The following DEF6 variants were observed in gnomAD, a reference collection of about 807,000 sequenced individuals.
The protein encoded by DEF6 is DEF6 guanine nucleotide exchange factor, also known as differentially expressed in FDCP 6 homolog.
A neutral mutation model predicts 80.5 loss-of-function variants in DEF6; 32 were observed. The observed-to-expected ratio is 0.40, with a 90% CI of 0.30 to 0.53. The LOEUF (loss-of-function observed/expected upper bound fraction) is 0.53. Ranked by LOEUF, DEF6 falls within the 20% of genes least tolerant of loss-of-function variation. The probability of loss-of-function intolerance (pLI) is 0.57; values close to 1 mark genes in which losing one functional copy is unlikely to be tolerated. For synonymous variants in DEF6, 300 were observed against 337.9 expected, an observed-to-expected ratio of 0.89 and a Z score of 1.23; for missense variants, 575 against 818.7, an observed-to-expected ratio of 0.70 and a Z score of 3.63.
Position 35,312,169 on chromosome 6 carries a change from C to A in DEF6, c.424-133C>A. 1.4e-6 allele frequency: 1 copy of A among 719,510 alleles called. No individual in the cohort carries two copies. The highest frequency in any genetic ancestry group is 2.3e-6 in the Non-Finnish European group (1 of 438,198). The allele number at this position is 719,510 out of a possible 1,614,324, so 44.6% of individuals were successfully genotyped here. ...TTTCCCTGGCTCCATAACATTCGGT[C>A]CTCTGGCCCCCTCAACGCTCTGTCC... On this transcript the variant is annotated intron_variant, in intron 3 of 10. Coordinates refer to ENST00000316637, the MANE Select transcript of DEF6 (RefSeq NM_022047.4). The surrounding 1 kb of genome is among the most constrained non-coding windows in gnomAD (Gnocchi z 6.6).
chr6:35,309,931 T>G, intron 2 of DEF6, 121 bp downstream of exon 2: 1 of 1,219,948 alleles, frequency 8.2e-7, no homozygotes, highest in Non-Finnish European at 1.2e-6. Flanking sequence ...TTCTGCCTGC[T>G]CTGTCCGTGA....
intron 9 of DEF6, among the ~76,000 whole-genome samples, chr6:35,320,486 T>C (rs1448694723): frequency 6.6e-6 from 1 of 152,192 alleles, no homozygotes; most frequent in East Asian, 1.9e-4. Context: ...ACAGAGGTTC[T>C]TGGATTAGGT....
At chr6:35,317,336 G>C (rs572892666) in intron 5 of DEF6, among the ~76,000 whole-genome samples, 2 of 152,262 alleles carry the variant, frequency 1.3e-5, no homozygotes, top group Non-Finnish European at 2.9e-5. Context: ...TGGCAAAGCT[G>C]TATAGGTGGA....
intron 1 of DEF6, among the ~76,000 whole-genome samples, chr6:35,299,369 A>AGATAT (rs1318608746): frequency 6.6e-6 from 1 of 152,128 alleles, no homozygotes; most frequent in Non-Finnish European, 1.5e-5. Context: ...TTGCCAGACA[A>AGATAT]TACCAGCCCC....
Position 35,310,617 on chromosome 6 carries a change from G to A in DEF6, c.396G>A (p.Lys132=). The A allele has an allele frequency of 6.2e-7, 1 of 1,614,204 alleles. No individual in the cohort carries two copies. The highest frequency in any genetic ancestry group is 8.5e-7 in the Non-Finnish European group (1 of 1,180,048). The stretch of plus-strand genomic sequence containing the variant: ...TCTTCAACTTCCTGTCTGAGGACAA[G>A]TACCCTCTGATCATGGTTCCTGATG... ...WCLFNFLSED[K]YPLIMVPDEV... Residue 132 remains lysine, a synonymous_variant, in exon 3 of 11, where the codon AAG becomes AAA. Coordinates refer to ENST00000316637, the MANE Select transcript of DEF6 (RefSeq NM_022047.4).
Position 35,312,266 on chromosome 6 carries a change from T to G in DEF6, c.424-36T>G. ...TGGTGTTGGTGCTGGCAACACCACC[T>G]GCTGCAGCTACCAGGCCTTCCTTCT... On this transcript the variant is annotated intron_variant, in intron 3 of 10. Transcript: ENST00000316637. This position sits in a 1 kb window ranked among gnomAD's most constrained non-coding sequence, Gnocchi z 6.6. 2 of 1,591,122 alleles carry G rather than the reference T, an allele frequency of 1.3e-6. No individual in the cohort carries two copies. The highest frequency in any genetic ancestry group is 1.7e-6 in the Non-Finnish European group (2 of 1,161,768).
Position 35,318,424 on chromosome 6 carries a change from C to T in DEF6, c.1168C>T (p.Arg390Cys). ...GGAGGAACGGCGCCGCAGCCAGCAC[C>T]GCGAGCTGCAGCAGGCGCTCGAGGG... ...EEEERRRSQH[R>C]ELQQALEGQL... The change falls in exon 7 of 11, where the codon CGC becomes TGC. Residue 390 changes from arginine to cysteine, a missense_variant. Physicochemically the swap from Arg to Cys is radical, Grantham distance 180. Transcript: ENST00000316637. This position sits in a 1 kb window ranked among gnomAD's most constrained non-coding sequence, Gnocchi z 5.1. 14 of 1,508,364 alleles carry T rather than the reference C, an allele frequency of 9.3e-6. No homozygotes were observed. Among genetic ancestry groups the T allele is most frequent in the Non-Finnish European group, 1.1e-5 (13 of 1,135,228 alleles). The allele number at this position is 1,508,364 out of a possible 1,614,324, so 93.4% of individuals were successfully genotyped here.
At chr6:35,320,998 C>G in intron 10 of DEF6, 24 bp downstream of exon 10, 1 of 1,609,848 alleles carries the variant, frequency 6.2e-7, no homozygotes. Context: ...GACTCTGGAG[C>G]TTTCCCTGGA....
At position 35,318,498 on chromosome 6, in the gene DEF6, C is replaced by A; in HGVS notation, c.1215+27C>A. 1 of 1,372,046 alleles carries A rather than the reference C, an allele frequency of 7.3e-7. No individual in the cohort carries two copies. The highest frequency in any genetic ancestry group is 9.3e-7 in the Non-Finnish European group (1 of 1,071,172). The allele number at this position is 1,372,046 out of a possible 1,614,324, so 85.0% of individuals were successfully genotyped here. ...TGGGGTTAGCTCCCGGCGCCGGGGA[C>A]GGGACCGGTGGGCTGGGAGGCTGGC... On this transcript the variant is annotated intron_variant, in intron 7 of 10. Coordinates refer to ENST00000316637, the MANE Select transcript of DEF6 (RefSeq NM_022047.4). The surrounding 1 kb of genome is among the most constrained non-coding windows in gnomAD (Gnocchi z 5.1).
At chr6:35,307,135 C>T (rs1044395829) in intron 1 of DEF6, among the ~76,000 whole-genome samples, 4 of 152,338 alleles carry the variant, frequency 2.6e-5, no homozygotes, top group South Asian at 2.1e-4. Flanking sequence ...CAGTGGCTCA[C>T]GCCCTGTAAT....
At chr6:35,304,504 G>T (rs1292871563) in intron 1 of DEF6, among the ~76,000 whole-genome samples, 1 of 152,238 alleles carries the variant, frequency 6.6e-6, no homozygotes, top group Non-Finnish European at 1.5e-5. Context: ...TGCCTGACCT[G>T]CTGGAGGAAC....
Position 35,312,197 on chromosome 6 carries a change from T to A in DEF6, c.424-105T>A. The A allele has an allele frequency of 1.1e-6, 1 of 931,074 alleles. No individual in the cohort carries two copies. The highest frequency in any genetic ancestry group is 1.6e-6 in the Non-Finnish European group (1 of 607,724). The allele number at this position is 931,074 out of a possible 1,614,324, so 57.7% of individuals were successfully genotyped here. On this transcript the variant is annotated intron_variant, in intron 3 of 10. Coordinates refer to ENST00000316637, the MANE Select transcript of DEF6 (RefSeq NM_022047.4). The surrounding 1 kb of genome is among the most constrained non-coding windows in gnomAD (Gnocchi z 6.6). ...CTGGCCCCCTCAACGCTCTGTCCCC[T>A]GTTTCCCTCTGCCCAGGCTCTGGGA...
intron 1 of DEF6, 31 bp from the exon 2 acceptor site, chr6:35,309,639 A>G (rs1398883700): frequency 1.2e-6 from 2 of 1,606,606 alleles, no homozygotes; most frequent in Admixed American, 3.4e-5. Context: ...TGGGGTGCAG[A>G]AAGACACACT....
At chr6:35,303,062 C>T (rs1036443555) in intron 1 of DEF6, among the ~76,000 whole-genome samples, 1 of 152,214 alleles carries the variant, frequency 6.6e-6, no homozygotes, top group Non-Finnish European at 1.5e-5. Context: ...TCTCCACCCC[C>T]AACCCCTACC....
At position 35,321,533 on chromosome 6, in the gene DEF6, C is replaced by A. The variant is rs1582236105; in HGVS notation, c.*123C>A. On this transcript the variant is annotated 3_prime_UTR_variant, in exon 11 of 11. Transcript: ENST00000316637. Reference sequence around the variant, plus strand: ...GAGGTCCTGGTGCCAGGGGCCCAGGCCCTCCAACCATAAACAGTCCAGGAT... The same window carrying A: ...GAGGTCCTGGTGCCAGGGGCCCAGGACCTCCAACCATAAACAGTCCAGGAT... 2 of 868,168 alleles carry A rather than the reference C, an allele frequency of 2.3e-6. No homozygotes were observed. The highest frequency in any genetic ancestry group is 2.7e-5 in the East Asian group (1 of 37,586). 53.8% of individuals were successfully genotyped at this position (868,168 alleles called of 1,614,324 possible). A position where few individuals can be genotyped will look rare whatever the true frequency, so the allele number is the denominator to read the frequency against.
chr6:35,319,725 A>T lies in DEF6; in HGVS notation c.1382+35A>T, dbSNP rs1256193852. ...AGGAACCTCTTCTGGTTCTCTCACC[A>T]CCCCTCCTGGAACACACCCCAGTTT... On this transcript the variant is annotated intron_variant, in intron 8 of 10. Coordinates refer to ENST00000316637, the MANE Select transcript of DEF6 (RefSeq NM_022047.4). This position sits in a 1 kb window ranked among gnomAD's most constrained non-coding sequence, Gnocchi z 4.5. 6.2e-7 allele frequency: 1 copy of T among 1,607,280 alleles called. No homozygotes were observed.
intron 10 of DEF6, 64 bp from the exon 11 acceptor site, chr6:35,321,123 C>T (rs1047245075): frequency 3.8e-6 from 6 of 1,581,874 alleles, no homozygotes; most frequent in Non-Finnish European, 5.2e-6. Flanking sequence ...AGGGCTGAGG[C>T]AAGGCCCCTC....
At chr6:35,300,309 G>T (rs948622037) in intron 1 of DEF6, among the ~76,000 whole-genome samples, 1 of 152,140 alleles carries the variant, frequency 6.6e-6, no homozygotes, top group East Asian at 1.9e-4. Flanking sequence ...TTATAGTCTT[G>T]AGCCACCTCA....
Position 35,318,489 on chromosome 6 carries a change from C to A in DEF6, c.1215+18C>A, listed in dbSNP as rs1791549724. 4 of 1,377,882 alleles carry A rather than the reference C, an allele frequency of 2.9e-6. No individual in the cohort carries two copies. Among genetic ancestry groups the A allele is most frequent in the Non-Finnish European group, 3.7e-6 (4 of 1,074,210 alleles). 85.4% of individuals were successfully genotyped at this position (1,377,882 alleles called of 1,614,324 possible). A position where few individuals can be genotyped will look rare whatever the true frequency, so the allele number is the denominator to read the frequency against. On this transcript the variant is annotated intron_variant, in intron 7 of 10. Coordinates refer to ENST00000316637, the MANE Select transcript of DEF6 (RefSeq NM_022047.4). The surrounding 1 kb of genome is among the most constrained non-coding windows in gnomAD (Gnocchi z 5.1). The stretch of plus-strand genomic sequence containing the variant: ...CGGAGCAGGTGGGGTTAGCTCCCGG[C>A]GCCGGGGACGGGACCGGTGGGCTGG...
Sources: allele counts gnomAD v4.1 joint callset (sites outside exome capture counted in the v4.1 genomes callset), GRCh38; gene constraint gnomAD v4.1.1; non-coding constraint Gnocchi (gnomAD v3.1); transcripts MANE v1.5; gene names NCBI Gene and HGNC (gene_info 2026-07-23, HGNC 2026-07-21).